HOXC4: variants seen among roughly 807,000 people sequenced by gnomAD.
HOXC4 encodes homeobox protein Hox-C4.
In HOXC4, 15 loss-of-function variants were observed where a neutral mutation model predicts 25.5. The observed-to-expected ratio is 0.59, with a 90% CI of 0.39 to 0.91. The LOEUF (loss-of-function observed/expected upper bound fraction) is 0.91, where lower values mean the gene tolerates loss of function less well. Among genes scored for constraint, HOXC4 ranks in the 40% least tolerant of loss-of-function variants. The probability of loss-of-function intolerance (pLI) is 0.00; values close to 1 mark genes in which losing one functional copy is unlikely to be tolerated. For missense variants in HOXC4, 342 were observed against 352.4 expected, an observed-to-expected ratio of 0.97 and a Z score of 0.24; for synonymous variants, 165 against 148.0, an observed-to-expected ratio of 1.11 and a Z score of -0.83.
chr12:54,030,133 C>T (rs1246955338), intron 1 of HOXC4: 2 of 615,224 alleles, frequency 3.3e-6, no homozygotes, highest in South Asian at 2.4e-5. Context: ...CCCCCTCCCT[C>T]ACCGCACAAC....
chr12:54,042,342 G>A (rs1941289606), intron 1 of HOXC4, among the ~76,000 whole-genome samples: 1 of 152,140 alleles, frequency 6.6e-6, no homozygotes, highest in Non-Finnish European at 1.5e-5. Flanking sequence ...GAATGGTGTG[G>A]CAGATTGTTG....
chr12:54,022,362 G>C (rs1354403081), intron 1 of HOXC4: 1 of 152,130 alleles, frequency 6.6e-6, no homozygotes, highest in Non-Finnish European at 1.5e-5. Context: ...TTGCCCCTTT[G>C]CTAAAGATCC....
Position 54,054,156 on chromosome 12 carries a change from G to C in HOXC4, c.234G>C (p.Ser78=). 2 of 1,613,832 alleles carry C rather than the reference G, an allele frequency of 1.2e-6. No individual in the cohort carries two copies. Among genetic ancestry groups the C allele is most frequent in the Non-Finnish European group, 8.5e-7 (1 of 1,179,946 alleles). The stretch of plus-strand genomic sequence containing the variant: ...CCAGTCTCCAGGGGCCCGGCAATTC[G>C]CGAGGCCACGGGCCGGCCCAGGCGG... ...SCTSLQGPGN[S]RGHGPAQAGH... The change falls in exon 1 of 2, where the codon TCG becomes TCC. Residue 78 remains serine, a synonymous_variant. Transcript: ENST00000430889.
chr12:54,051,326 T>G (rs1221987770), upstream of HOXC4, among the ~76,000 whole-genome samples: 1 of 152,016 alleles, frequency 6.6e-6, no homozygotes, highest in Non-Finnish European at 1.5e-5. Context: ...TGGAGCCATC[T>G]GGGACTACAG....
chr12:54,019,673 C>T (rs2136417090), intron 1 of HOXC4, among the ~76,000 whole-genome samples: 1 of 152,206 alleles, frequency 6.6e-6, no homozygotes, highest in Non-Finnish European at 1.5e-5. Flanking sequence ...AGGGCCCCCT[C>T]CCACCCGAGG....
In HOXC4 at chr12:54,034,722, G is replaced by T. The variant is rs556886367; in HGVS notation, c.-124+17308G>T. 387 of 534,542 alleles carry T rather than the reference G, an allele frequency of 7.2e-4. 1 individual carries two copies. Among genetic ancestry groups the T allele is most frequent in the Non-Finnish European group, 1.2e-3 (356 of 296,644 alleles). The allele number at this position is 534,542 out of a possible 1,614,324, so 33.1% of individuals were successfully genotyped here. A position where few individuals can be genotyped will look rare whatever the true frequency, so the allele number is the denominator to read the frequency against. On this transcript the variant is annotated intron_variant, in intron 1 of 3. Coordinates refer to the HOXC4 transcript ENST00000303406. The stretch of plus-strand genomic sequence containing the variant: ...TCTCCCCTCAGCTCGGCTCAGCTCG[G>T]TACCCGGGGCCCAGGGCAAGCTCCG...
chr12:54,017,602 G>C (rs766130031), intron 1 of HOXC4, among the ~76,000 whole-genome samples: 1 of 151,944 alleles, frequency 6.6e-6, no homozygotes, highest in African/African-American at 2.4e-5. Flanking sequence ...CCGGTAACTG[G>C]TAGTGGGGCG....
Position 54,053,932 on chromosome 12 carries a change from A to T in HOXC4, c.10A>T (p.Ser4Cys). MIM[S>C]SYLMDSNYID... ...TCCACTCCAGAAATTAATGATCATG[A>T]GCTCGTATTTGATGGACTCTAACTA... The change falls in exon 1 of 2, where the codon AGC becomes TGC. Residue 4 changes from serine to cysteine, a missense_variant. By Grantham distance (112) the Ser-to-Cys change is moderately radical (BLOSUM62 -1). Coordinates refer to ENST00000430889, the MANE Select transcript of HOXC4 (RefSeq NM_153633.3). The T allele has an allele frequency of 6.2e-7, 1 of 1,604,390 alleles. No individual in the cohort carries two copies. Among genetic ancestry groups the T allele is most frequent in the South Asian group, 1.1e-5 (1 of 90,856 alleles).
upstream of HOXC4, among the ~76,000 whole-genome samples, chr12:54,051,875 T>G (rs570407107): frequency 6.6e-6 from 1 of 152,316 alleles, no homozygotes; most frequent in Admixed American, 6.5e-5. Context: ...AGCCCTAATT[T>G]GGAAGTGGGG....
intron 1 of HOXC4, among the ~76,000 whole-genome samples, chr12:54,045,304 A>T (rs756718717): frequency 2.0e-5 from 3 of 152,232 alleles, no homozygotes; most frequent in Non-Finnish European, 4.4e-5. Context: ...AGATTTATAG[A>T]TCCATAGTGA....
At chr12:54,039,297 C>T (rs534391281) in intron 1 of HOXC4, among the ~76,000 whole-genome samples, 1 of 152,222 alleles carries the variant, frequency 6.6e-6, no homozygotes, top group Admixed American at 6.5e-5. Flanking sequence ...CTGTTAGCCT[C>T]GCCCCCGCTG....
chr12:54,019,055 TC>T (rs1940301602), intron 1 of HOXC4, among the ~76,000 whole-genome samples: 1 of 136,520 alleles, frequency 7.3e-6, no homozygotes, highest in Admixed American at 7.4e-5. Flanking sequence ...TTATCTCCCC[TC>T]CCCCCACAAC....
intron 1 of HOXC4, chr12:54,029,521 G>T (rs1041274442): frequency 3.5e-6 from 3 of 867,670 alleles, no homozygotes; most frequent in Non-Finnish European, 3.5e-6. Context: ...CAAGGCAAAA[G>T]GGAGAAGGCT....
chr12:54,029,687 C>G, intron 1 of HOXC4: 1 of 1,613,848 alleles, frequency 6.2e-7, no homozygotes, highest in Non-Finnish European at 8.5e-7. Context: ...GAGGCGCGGC[C>G]GCCAGATCTA....
At chr12:54,049,417 T>C (rs896076593), upstream of HOXC4, among the ~76,000 whole-genome samples, 1 of 152,108 alleles carries the variant, frequency 6.6e-6, no homozygotes, top group African/African-American at 2.4e-5. Context: ...TGAGGAAAAT[T>C]GAATTCCAAG....
At chr12:54,045,510 G>T (rs575668193) in intron 1 of HOXC4, among the ~76,000 whole-genome samples, 136 of 152,306 alleles carry the variant, frequency 8.9e-4, no homozygotes, top group African/African-American at 2.9e-3. Flanking sequence ...TTTATGCAAG[G>T]ATCCTAACCC....
chr12:54,034,105 G>C lies in HOXC4; in HGVS notation c.-124+16691G>C, dbSNP rs1368104968. The C allele has an allele frequency of 4.1e-6, 3 of 728,562 alleles. No homozygotes were observed. In the East Asian group the frequency reaches 8.0e-5, roughly 19 times the overall value. 45.1% of individuals were successfully genotyped at this position (728,562 alleles called of 1,614,324 possible). ...TGGAAAGTTTCCTGCCTGGGCGGAG[G>C]CGCCTCTCCCGGGGCTGGGCTGGGC... is the stretch of plus-strand genomic sequence containing the variant. On this transcript the variant is annotated intron_variant, in intron 1 of 3. Coordinates refer to the HOXC4 transcript ENST00000303406.
At chr12:54,044,626 G>A (rs1365293861) in intron 1 of HOXC4, among the ~76,000 whole-genome samples, 3 of 152,164 alleles carry the variant, frequency 2.0e-5, no homozygotes, top group Non-Finnish European at 4.4e-5. Flanking sequence ...GGGCATAGGG[G>A]AACCCCATCG....
At position 54,043,138 on chromosome 12, in the gene HOXC4, G is replaced by A. The variant is rs113334091; in HGVS notation, c.-123-10022G>A. 5.3e-5 allele frequency among the ~76,000 whole-genome samples: 8 copies of A among 152,320 alleles called. 2 individuals are homozygous for A. Among genetic ancestry groups the A allele is most frequent in the African/African-American group, 1.9e-4 (8 of 41,566 alleles). ...TTCAGCCTCTAAGGACCACATTTTA[G>A]CAGCTATGAGAAGAGGTTGAACACT... On this transcript the variant is annotated intron_variant, in intron 1 of 3. Transcript: ENST00000303406.
Sources: allele counts gnomAD v4.1 joint callset (sites outside exome capture counted in the v4.1 genomes callset), GRCh38; gene constraint gnomAD v4.1.1; transcripts MANE v1.5; gene names NCBI Gene and HGNC (gene_info 2026-07-23, HGNC 2026-07-21).